The following HTRA3 variants were observed in gnomAD, a reference collection of about 807,000 sequenced individuals.
HTRA3 encodes serine protease HTRA3.
Under a neutral mutation model 43.2 loss-of-function variants are expected in HTRA3, and 41 were observed. The observed-to-expected ratio is 0.95, with a 90% confidence interval of 0.74 to 1.23. HTRA3 has a LOEUF of 1.23. Ranked by LOEUF, HTRA3 falls within the 50% of genes most tolerant of loss-of-function variation. The pLI, the probability that HTRA3 is intolerant of heterozygous loss-of-function variation, is 0.00. For synonymous variants in HTRA3, 295 were observed against 287.9 expected, an observed-to-expected ratio of 1.02 and a Z score of -0.25; for missense variants, 628 against 647.1, an observed-to-expected ratio of 0.97 and a Z score of 0.32.
chr4:8,279,531 GC>G lies in HTRA3; in HGVS notation c.386-2905del, dbSNP rs1285639520. Reference sequence around the variant, plus strand: ...GCGCTTGAGGGGGTCCAGGGGCTGGGCTTTGGCAAGCAGGGGGTGGACACGT... The same window carrying G: ...GCGCTTGAGGGGGTCCAGGGGCTGGGTTTGGCAAGCAGGGGGTGGACACGT... On this transcript the variant is annotated intron_variant, in intron 1 of 8. Coordinates refer to ENST00000307358, the MANE Select transcript of HTRA3 (RefSeq NM_053044.5). This position sits in a 1 kb window ranked among gnomAD's most constrained non-coding sequence, Gnocchi z 7.4. Among the ~76,000 whole-genome samples the G allele has an allele frequency of 6.6e-6, 1 of 152,118 alleles. No homozygotes were observed. Among genetic ancestry groups the G allele is most frequent in the African/African-American group, 2.4e-5 (1 of 41,398 alleles).
Position 8,296,165 on chromosome 4 carries a change from G to C in HTRA3, c.1051+1964G>C. The C allele has an allele frequency of 1.0e-6, 1 of 988,938 alleles. No homozygotes were observed. Among genetic ancestry groups the C allele is most frequent in the Non-Finnish European group, 1.2e-6 (1 of 832,342 alleles). 61.3% of individuals were successfully genotyped at this position (988,938 alleles called of 1,614,324 possible). The stretch of plus-strand genomic sequence containing the variant: ...CTGAGCTGTGAGGTGGCTTTCCTTG[G>C]AAGTGGATGATAGTGTCCTCTTCCC... On this transcript the variant is annotated intron_variant, in intron 6 of 8. Transcript: ENST00000307358. The surrounding 1 kb of genome is among the most constrained non-coding windows in gnomAD (Gnocchi z 5.3).
At chr4:8,290,824 G>A (rs893464326) in intron 3 of HTRA3, among the ~76,000 whole-genome samples, 3 of 152,188 alleles carry the variant, frequency 2.0e-5, no homozygotes, top group Admixed American at 1.3e-4. Flanking sequence ...TGTGCGCGGC[G>A]TGGGGTGGAG....
At position 8,286,633 on chromosome 4, in the gene HTRA3, C is replaced by A; in HGVS notation, c.558C>A (p.Ile186=). ...TCATCATGTCAGAGGCCGGCCTGAT[C>A]ATCACCAATGCCCACGTGGTGTCCA... ...SGFIMSEAGL[I]ITNAHVVSSN... Residue 186 remains isoleucine (I), a synonymous_variant, in exon 3 of 9, where the codon ATC becomes ATA. Coordinates refer to ENST00000307358, the MANE Select transcript of HTRA3 (RefSeq NM_053044.5). This position sits in a 1 kb window ranked among gnomAD's most constrained non-coding sequence, Gnocchi z 4.9. 1.2e-6 allele frequency: 2 copies of A among 1,614,228 alleles called. No individual in the cohort carries two copies. The highest frequency in any genetic ancestry group is 1.7e-6 in the Non-Finnish European group (2 of 1,180,046).
At chr4:8,293,013 C>A (rs1713306896) in intron 5 of HTRA3, among the ~76,000 whole-genome samples, 1 of 152,048 alleles carries the variant, frequency 6.6e-6, no homozygotes, top group African/African-American at 2.4e-5. Context: ...TTGAGGAGGA[C>A]TGGGTACAGG....
In HTRA3 at chr4:8,295,846, A is replaced by G; in HGVS notation, c.1051+1645A>G. 4 of 1,238,188 alleles carry G rather than the reference A, an allele frequency of 3.2e-6. No homozygotes were observed. Among genetic ancestry groups the G allele is most frequent in the African/African-American group, 1.5e-5 (1 of 64,670 alleles). 76.7% of individuals were successfully genotyped at this position (1,238,188 alleles called of 1,614,324 possible). A position where few individuals can be genotyped will look rare whatever the true frequency, so the allele number is the denominator to read the frequency against. On this transcript the variant is annotated intron_variant, in intron 6 of 8. Coordinates refer to ENST00000307358, the MANE Select transcript of HTRA3 (RefSeq NM_053044.5). The surrounding 1 kb of genome is among the most constrained non-coding windows in gnomAD (Gnocchi z 6.9). ...AAGAGCTGCTGTTGAGGATGCCGCC[A>G]TTGTTCTTCTGTGTCCATTATGGGA...
intron 6 of HTRA3, among the ~76,000 whole-genome samples, chr4:8,294,925 C>T (rs1305347880): frequency 1.3e-5 from 2 of 149,598 alleles, no homozygotes; most frequent in African/African-American, 2.5e-5. Flanking sequence ...TTCTTCCATC[C>T]ATCATCCATT....
Position 8,282,507 on chromosome 4 carries a change from A to G in HTRA3, c.456A>G (p.Pro152=), listed in dbSNP as rs752398096. Residue 152 remains proline (P), a synonymous_variant, in exon 2 of 9, where the codon CCA becomes CCG. Transcript: ENST00000307358. ...CTGACGTGGTGGAGAAGATCGCACCAGCCGTGGTCCACATAGAGCTCTTCC... is the reference window on the plus strand; with the variant it reads ...CTGACGTGGTGGAGAAGATCGCACCGGCCGTGGTCCACATAGAGCTCTTCC... The part of the protein sequence containing the change: ...FIADVVEKIA[P]AVVHIELFLR... 6.2e-7 allele frequency: 1 copy of G among 1,614,116 alleles called. No homozygotes were observed. The highest frequency in any genetic ancestry group is 2.2e-5 in the East Asian group (1 of 44,882).
chr4:8,300,329 T>A lies in HTRA3; in HGVS notation c.1052-2134T>A, dbSNP rs1454177634. ...ATTAGTACTATTTCTTCCTTAAACA[T>A]CTGGTGGAATTCTCCAGTGAGATCT... On this transcript the variant is annotated intron_variant, in intron 6 of 8. Coordinates refer to ENST00000307358, the MANE Select transcript of HTRA3 (RefSeq NM_053044.5). Among the ~76,000 whole-genome samples the A allele has an allele frequency of 3.9e-5, 6 of 152,374 alleles. No homozygotes were observed. The East Asian group carries it at 1.2e-3, about 29-fold the overall frequency.
Position 8,291,457 on chromosome 4 carries a change from C to CAG in HTRA3, c.798_799dup (p.Asn267ArgfsTer4). 2 of 1,613,142 alleles carry CAG rather than the reference C, an allele frequency of 1.2e-6. No homozygotes were observed. On this transcript the variant is annotated frameshift_variant, in exon 4 of 9. Transcript: ENST00000307358. LOFTEE classifies it high-confidence loss of function. The stretch of plus-strand genomic sequence containing the variant: ...GGCCATCGGCAGTCCCTTCGCCCTA[C>CAG]AGAACACAGTGACAACGGGCATCGT...
rs1201057396 is a variant in HTRA3, at chr4:8,269,965, C to A, written c.-4C>A. On this transcript the variant is annotated 5_prime_UTR_variant, in exon 1 of 9. Transcript: ENST00000307358. ...CGCTGCCACCCGCCGCCGGCCCTGC[C>A]GCCATGCAGGCGCGAGCGCTGCTCC... 3 of 1,156,046 alleles carry A rather than the reference C, an allele frequency of 2.6e-6. No homozygotes were observed. The highest frequency in any genetic ancestry group is 4.7e-5 in the Admixed American group (1 of 21,082). The allele number at this position is 1,156,046 out of a possible 1,614,324, so 71.6% of individuals were successfully genotyped here.
chr4:8,298,451 G>T, intron 6 of HTRA3, among the ~76,000 whole-genome samples: 1 of 151,966 alleles, frequency 6.6e-6, no homozygotes, highest in East Asian at 1.9e-4. Context: ...CCAGTCTGTG[G>T]CTTGTCTTTT....
chr4:8,281,675 C>T (rs1394926758), intron 1 of HTRA3, among the ~76,000 whole-genome samples: 2 of 152,242 alleles, frequency 1.3e-5, no homozygotes, highest in African/African-American at 4.8e-5. Context: ...CAGGCCCGTG[C>T]AGGGAACCCC....
At chr4:8,299,642 T>C (rs1713569114) in intron 6 of HTRA3, among the ~76,000 whole-genome samples, 1 of 152,180 alleles carries the variant, frequency 6.6e-6, no homozygotes, top group Non-Finnish European at 1.5e-5. Flanking sequence ...GGTTGAAAAG[T>C]TCCCTTCTAT....
rs149999330 is a variant in HTRA3 at position 8,282,510 on chromosome 4, C to T, written c.459C>T (p.Ala153=). 16 of 1,613,934 alleles carry T rather than the reference C, an allele frequency of 9.9e-6. No homozygotes were observed. Among genetic ancestry groups the T allele is most frequent in the African/African-American group, 5.3e-5 (4 of 74,948 alleles). Residue 153 remains alanine, a synonymous_variant, in exon 2 of 9, where the codon GCC becomes GCT. Coordinates refer to ENST00000307358, the MANE Select transcript of HTRA3 (RefSeq NM_053044.5). The part of the protein sequence containing the change: ...IADVVEKIAP[A]VVHIELFLRH... The stretch of plus-strand genomic sequence containing the variant: ...ACGTGGTGGAGAAGATCGCACCAGC[C>T]GTGGTCCACATAGAGCTCTTCCTGA...
chr4:8,289,862 G>C (rs1327364782), intron 3 of HTRA3, among the ~76,000 whole-genome samples: 1 of 143,364 alleles, frequency 7.0e-6, no homozygotes, highest in Non-Finnish European at 1.5e-5. Flanking sequence ...CGCCCTCCTT[G>C]GGTGCAGGGA....
At position 8,295,725 on chromosome 4, in the gene HTRA3, G is replaced by A. The variant is rs1386082382; in HGVS notation, c.1051+1524G>A. 8 of 1,374,780 alleles carry A rather than the reference G, an allele frequency of 5.8e-6. No individual in the cohort carries two copies. Among genetic ancestry groups the A allele is most frequent in the Non-Finnish European group, 7.5e-6 (8 of 1,061,084 alleles). 85.2% of individuals were successfully genotyped at this position (1,374,780 alleles called of 1,614,324 possible). On this transcript the variant is annotated intron_variant, in intron 6 of 8. Coordinates refer to ENST00000307358, the MANE Select transcript of HTRA3 (RefSeq NM_053044.5). This position sits in a 1 kb window ranked among gnomAD's most constrained non-coding sequence, Gnocchi z 6.9. ...TCACTGGCAGTTCATTGAGAGCAGGGGGCTTCCTCACGTTTCCCCCTCCTC... is the reference window on the plus strand; with the variant it reads ...TCACTGGCAGTTCATTGAGAGCAGGAGGCTTCCTCACGTTTCCCCCTCCTC...
At chr4:8,285,110 C>T (rs1712903064) in intron 2 of HTRA3, among the ~76,000 whole-genome samples, 1 of 152,186 alleles carries the variant, frequency 6.6e-6, no homozygotes, top group South Asian at 2.1e-4. Context: ...TCCATCATCT[C>T]ATGGCCTTCC....
intron 4 of HTRA3, among the ~76,000 whole-genome samples, chr4:8,292,107 C>T (rs1477249285): frequency 6.6e-6 from 1 of 152,004 alleles, no homozygotes; most frequent in African/African-American, 2.4e-5. Flanking sequence ...ATGGTTTGTG[C>T]AGAGAACAGT....
At position 8,286,544 on chromosome 4, in the gene HTRA3, T is replaced by C; in HGVS notation, c.486-17T>C. 3.7e-6 allele frequency: 6 copies of C among 1,611,226 alleles called. No individual in the cohort carries two copies. Among genetic ancestry groups the C allele is most frequent in the South Asian group, 2.2e-5 (2 of 91,000 alleles). On this transcript the variant is annotated splice_polypyrimidine_tract_variant and intron_variant, in intron 2 of 8. Transcript: ENST00000307358. The surrounding 1 kb of genome is among the most constrained non-coding windows in gnomAD (Gnocchi z 4.9). ...TAGCCCCACCCTAAATGCCCGCCTGTGTCTCCCTGGCTGCAGACACCCGCT... is the reference window on the plus strand; with the variant it reads ...TAGCCCCACCCTAAATGCCCGCCTGCGTCTCCCTGGCTGCAGACACCCGCT...
Sources: allele counts gnomAD v4.1 joint callset (sites outside exome capture counted in the v4.1 genomes callset), GRCh38; gene constraint gnomAD v4.1.1; non-coding constraint Gnocchi (gnomAD v3.1); transcripts MANE v1.5; gene names NCBI Gene and HGNC (gene_info 2026-07-23, HGNC 2026-07-21).